The following DHX58 variants were observed in gnomAD, a reference collection of about 807,000 sequenced individuals.
The protein encoded by DHX58 is ATP-dependent RNA helicase DHX58.
Under a neutral mutation model 65.0 loss-of-function variants are expected in DHX58, and 51 were observed. That is an observed-to-expected ratio of 0.78 (90% confidence interval 0.63 to 0.99). DHX58 has a LOEUF of 0.99. Ranked by LOEUF, DHX58 falls within the 50% of genes least tolerant of loss-of-function variation. The pLI is 0.00. For missense variants in DHX58, 773 were observed against 891.8 expected, an observed-to-expected ratio of 0.87 and a Z score of 1.70; for synonymous variants, 350 against 365.0, an observed-to-expected ratio of 0.96 and a Z score of 0.47.
chr17:42,103,917 C>T lies in DHX58; in HGVS notation c.1564-119G>A, dbSNP rs2054015459. ...TGGAAGAGACTTTCCTTAACCCTCCCTGGAGCTTAAAAGAAGCTCTATTGC... is the reference window on the plus strand; with the variant it reads ...TGGAAGAGACTTTCCTTAACCCTCCTTGGAGCTTAAAAGAAGCTCTATTGC... On this transcript the variant is annotated intron_variant, in intron 11 of 13. Coordinates refer to ENST00000251642, the MANE Select transcript of DHX58 (RefSeq NM_024119.3). 2.6e-6 allele frequency: 3 copies of T among 1,143,612 alleles called. No individual in the cohort carries two copies. In the East Asian group the frequency reaches 7.7e-5, roughly 29 times the overall value. The allele number at this position is 1,143,612 out of a possible 1,614,324, so 70.8% of individuals were successfully genotyped here.
chr17:42,107,973 C>G lies in DHX58; in HGVS notation c.805+9G>C. The G allele has an allele frequency of 6.2e-7, 1 of 1,614,112 alleles. No homozygotes were observed. Among genetic ancestry groups the G allele is most frequent in the Non-Finnish European group, 8.5e-7 (1 of 1,180,030 alleles). ...TCCTCGCCTCCGCCAGAAGGGCTGC[C>G]CCTCTCACCAGCCTCACTCAGCTTC... is the stretch of plus-strand genomic sequence containing the variant. On this transcript the variant is annotated intron_variant, in intron 7 of 13. Coordinates refer to ENST00000251642, the MANE Select transcript of DHX58 (RefSeq NM_024119.3).
Position 42,110,924 on chromosome 17 carries a change from A to C in DHX58, c.371-11T>G, listed in dbSNP as rs2054139909. ...CGATCAGGGAGAAGACTGAGGGCAC[A>C]GGGGGGAAGGCTGTGACCTATGTTT... On this transcript the variant is annotated splice_polypyrimidine_tract_variant and intron_variant, in intron 4 of 13. Coordinates refer to ENST00000251642, the MANE Select transcript of DHX58 (RefSeq NM_024119.3). 1.3e-6 allele frequency: 2 copies of C among 1,591,436 alleles called. No individual in the cohort carries two copies. The highest frequency in any genetic ancestry group is 2.3e-5 in the South Asian group (2 of 88,428).
Position 42,104,846 on chromosome 17 carries a change from T to G in DHX58, c.1483A>C (p.Ile495Leu). 6.2e-7 allele frequency: 1 copy of G among 1,614,136 alleles called. No homozygotes were observed. Residue 495 changes from isoleucine to leucine, a missense_variant, in exon 11 of 14, where the codon ATC (isoleucine) becomes CTC (leucine). By Grantham distance (5) the Ile-to-Leu change is conservative. Transcript: ENST00000251642. ...ATCAGCGTCTCCAGCGCCTCGTTGATCAGCTCCCGCTTCAGCTCCCGGCTA... is the reference window on the plus strand; with the variant it reads ...ATCAGCGTCTCCAGCGCCTCGTTGAGCAGCTCCCGCTTCAGCTCCCGGCTA... ...EGSRELKREL[I>L]NEALETLMEQ...
intron 5 of DHX58, among the ~76,000 whole-genome samples, chr17:42,109,839 G>C (rs1416342736): frequency 1.3e-5 from 2 of 150,744 alleles, no homozygotes; most frequent in Non-Finnish European, 2.9e-5. Flanking sequence ...AGGTTGCAGT[G>C]AGCCAAGATC....
At chr17:42,108,544 T>G (rs1557746) in intron 6 of DHX58, among the ~76,000 whole-genome samples, 51,316 of 151,784 alleles carry the variant, frequency 0.34, 14,097 homozygotes, top group African/African-American at 0.77. Context: ...AGGGCACGCT[T>G]GCTCGCCCAG....
At chr17:42,106,313 G>A (rs2054058874) in intron 8 of DHX58, among the ~76,000 whole-genome samples, 1 of 129,384 alleles carries the variant, frequency 7.7e-6, no homozygotes, top group African/African-American at 4.3e-5. Flanking sequence ...AGGGAGGGAG[G>A]GAGGGAAAGA....
chr17:42,107,975 C>CT lies in DHX58; in HGVS notation c.805+6dup. On this transcript the variant is annotated splice_region_variant and intron_variant, in intron 7 of 13. Transcript: ENST00000251642. ...CTCGCCTCCGCCAGAAGGGCTGCCC[C>CT]TCTCACCAGCCTCACTCAGCTTCAC... is the stretch of plus-strand genomic sequence containing the variant. 5.0e-6 allele frequency: 8 copies of CT among 1,614,158 alleles called. No individual in the cohort carries two copies. The highest frequency in any genetic ancestry group is 6.8e-6 in the Non-Finnish European group (8 of 1,180,030).
rs782043772 is a variant in DHX58, at chr17:42,110,825, TTTAAG to T, written c.454_458del (p.Leu152ThrfsTer89). The T allele has an allele frequency of 9.2e-5, 148 of 1,613,124 alleles. No individual in the cohort carries two copies. The highest frequency in any genetic ancestry group is 1.2e-4 in the Non-Finnish European group (137 of 1,179,684). Reference sequence around the variant, plus strand: ...GGGGTAGCGGCTGTGCCCTCTGGAGTTTAAGTTCTAGGTACTGGCTCATGATGACG... The same window carrying T: ...GGGGTAGCGGCTGTGCCCTCTGGAGTTTCTAGGTACTGGCTCATGATGACG... On this transcript the variant is annotated frameshift_variant, in exon 5 of 14. Transcript: ENST00000251642. LOFTEE classifies it high-confidence loss of function.
At chr17:42,105,252 G>A (rs2054038440) in intron 9 of DHX58, 85 bp from the exon 10 acceptor site, 2 of 1,459,540 alleles carry the variant, frequency 1.4e-6, no homozygotes, top group Admixed American at 2.6e-5. Flanking sequence ...GCCTCTTCTG[G>A]TTCAGCCCTC....
At chr17:42,109,767 C>T (rs569075766) in intron 5 of DHX58, among the ~76,000 whole-genome samples, 33 of 151,916 alleles carry the variant, frequency 2.2e-4, no homozygotes, top group Middle Eastern at 6.8e-3. Flanking sequence ...TGGTGGCACG[C>T]GCCTGTAGTC....
intron 13 of DHX58, 48 bp downstream of exon 13, chr17:42,102,168 G>A: frequency 6.2e-7 from 1 of 1,600,880 alleles, no homozygotes; most frequent in Non-Finnish European, 8.6e-7. Context: ...GGCCTCTGAA[G>A]ACTGGGGCTG....
rs118148971 is a variant in DHX58, at chr17:42,110,981, A to C, written c.371-68T>G. 4.7e-5 allele frequency: 70 copies of C among 1,486,204 alleles called. 2 individuals are homozygous for C. In the East Asian group the frequency reaches 1.6e-3, roughly 34 times the overall value. 92.1% of individuals were successfully genotyped at this position (1,486,204 alleles called of 1,614,324 possible). On this transcript the variant is annotated intron_variant, in intron 4 of 13. Transcript: ENST00000251642. ...CCCTTCCTCCCATCAGCTTTCAAGT[A>C]GTCCCCACAATGATGTAAGAATTCC... is the stretch of plus-strand genomic sequence containing the variant.
At chr17:42,107,367 T>TTTA (rs55830333) in intron 8 of DHX58, among the ~76,000 whole-genome samples, 1 of 140,060 alleles carries the variant, frequency 7.1e-6, no homozygotes, top group African/African-American at 2.5e-5. Flanking sequence ...CCCCGACTAT[T>TTTA]AAAAAAAAAA....
At chr17:42,111,194 C>T in intron 4 of DHX58, 102 bp downstream of exon 4, 1 of 1,436,106 alleles carries the variant, frequency 7.0e-7, no homozygotes, top group Non-Finnish European at 9.4e-7. Flanking sequence ...ACCCCTCACT[C>T]CCACTAAAAC....
chr17:42,103,333 TCA>T, intron 12 of DHX58: 1 of 474,480 alleles, frequency 2.1e-6, no homozygotes, highest in East Asian at 4.2e-5. Context: ...GACCAGAGGG[TCA>T]ATGTGTGGTC....
Position 42,111,422 on chromosome 17 carries a change from C to T in DHX58, c.244G>A (p.Gly82Arg), listed in dbSNP as rs782422542. ...AAGCCAGCACGTGGTCCCATGTCCC[C>T]ACTCAGGGTTGTCACGGTCCAGCGT... ...DGRWTVTTLS[G>R]DMGPRAGFGH... The change falls in exon 4 of 14, where the codon GGG (glycine) becomes AGG (arginine). Residue 82 changes from glycine to arginine, a missense_variant. Transcript: ENST00000251642. The T allele has an allele frequency of 3.7e-6, 6 of 1,614,208 alleles. No individual in the cohort carries two copies. In the South Asian group the frequency reaches 5.5e-5, roughly 15 times the overall value.
rs2054092422 is a variant in DHX58, at chr17:42,108,053, T to C, written c.734A>G (p.Glu245Gly). 1 of 1,614,124 alleles carries C rather than the reference T, an allele frequency of 6.2e-7. No homozygotes were observed. Residue 245 changes from glutamate (E) to glycine (G), a missense_variant, in exon 7 of 14, where the codon GAG becomes GGG. By Grantham distance (98) the Glu-to-Gly change is moderately conservative. Transcript: ENST00000251642. ...AAATTTCCGGCTCAACTCAGGCATC[T>C]CCAGGTGGTCATGGATTTGGTCCAT... ...KLMDQIHDHL[E>G]MPELSRKFGT... is the part of the protein sequence containing the mutation.
rs1555664270 is a variant in DHX58, at chr17:42,111,507, G to A, written c.169-10C>T. The A allele has an allele frequency of 9.9e-6, 16 of 1,613,074 alleles. No individual in the cohort carries two copies. Among genetic ancestry groups the A allele is most frequent in the Non-Finnish European group, 1.4e-5 (16 of 1,179,718 alleles). ...GGGTCACCAGGTGCACCTGGGGGTGGAGAATGAGCTGGGAAAAGAGAGCTG... is the reference window on the plus strand; with the variant it reads ...GGGTCACCAGGTGCACCTGGGGGTGAAGAATGAGCTGGGAAAAGAGAGCTG... On this transcript the variant is annotated splice_polypyrimidine_tract_variant and intron_variant, in intron 3 of 13. Transcript: ENST00000251642.
intron 13 of DHX58, 105 bp downstream of exon 13, chr17:42,102,111 G>A: frequency 6.9e-7 from 1 of 1,451,112 alleles, no homozygotes. Flanking sequence ...CAGACTGGAG[G>A]CCATGGGGTG....
Sources: gnomAD v4.1 joint callset for allele counts (sites outside exome capture counted in the v4.1 genomes callset) on GRCh38, gnomAD v4.1.1 for gene constraint, MANE v1.5 for transcripts, NCBI Gene and HGNC (gene_info 2026-07-23, HGNC 2026-07-21) for gene names.